The following KAT6A variants were observed in gnomAD, a reference collection of about 807,000 sequenced individuals.
KAT6A encodes lysine acetyltransferase 6A.
A neutral mutation model predicts 198.4 loss-of-function variants in KAT6A; 9 were observed. That is an observed-to-expected ratio of 0.05 (90% CI 0.03 to 0.08). The LOEUF is 0.08. KAT6A is among the 10% of genes least tolerant of loss of function. The pLI is 1.00. For missense variants in KAT6A, 2,077 were observed against 2,509.9 expected (o/e 0.83, Z 3.69); for synonymous variants, 890 against 883.0 (o/e 1.01, Z -0.14).
At chr8:42,027,511 A>T (rs569996551) in intron 2 of KAT6A, among the ~76,000 whole-genome samples, 11 of 152,066 alleles carry the variant, frequency 7.2e-5, no homozygotes, top group Non-Finnish European at 1.5e-4. Flanking sequence ...TTTCTTCCTG[A>T]TTCAATTTTG....
chr8:41,980,025 A>G (rs1360046387), intron 5 of KAT6A, among the ~76,000 whole-genome samples: 1 of 152,222 alleles, frequency 6.6e-6, no homozygotes, highest in African/African-American at 2.4e-5. Context: ...CTAAAGTGTT[A>G]ACATGACTAC....
In KAT6A at chr8:41,932,933, T is replaced by A. The variant is rs1821630087; in HGVS notation, c.5287A>T (p.Ile1763Phe). 1 of 1,613,986 alleles carries A rather than the reference T, an allele frequency of 6.2e-7. No individual in the cohort carries two copies. Among genetic ancestry groups the A allele is most frequent in the Non-Finnish European group, 8.5e-7 (1 of 1,180,022 alleles). The change falls in exon 17 of 17, where the codon ATT becomes TTT. Residue 1763 changes from isoleucine (I) to phenylalanine (F), a missense_variant. Physicochemically the swap from Ile to Phe is conservative, Grantham distance 21. Transcript: ENST00000265713. Reference sequence around the variant, plus strand: ...TAAGGCATGGCATGAGGGTCCATAATGGTGTTGGTCAGCTGCTGCAGCTTG... The same window carrying A: ...TAAGGCATGGCATGAGGGTCCATAAAGGTGTTGGTCAGCTGCTGCAGCTTG... ...LAKLQQLTNT[I>F]MDPHAMPYSH...
In KAT6A at chr8:41,981,918, G is replaced by A. The variant is rs1234795744; in HGVS notation, c.746C>T (p.Thr249Met). 10 of 1,613,564 alleles carry A rather than the reference G, an allele frequency of 6.2e-6. No homozygotes were observed. Among genetic ancestry groups the A allele is most frequent in the African/African-American group, 1.3e-5 (1 of 74,892 alleles). The change falls in exon 4 of 17, where the codon ACG (threonine) becomes ATG (methionine). Residue 249 changes from threonine (T) to methionine (M), a missense_variant. By Grantham distance (81) the Thr-to-Met change is moderately conservative. Transcript: ENST00000265713. ...PSCLKFSPEL[T>M]VRVKALRWQC... ...CCACCGTAAGGCCTTCACTCGAACCGTTAGTTCAGGGGAAAACTTTAAACA... is the reference window on the plus strand; with the variant it reads ...CCACCGTAAGGCCTTCACTCGAACCATTAGTTCAGGGGAAAACTTTAAACA...
At chr8:41,960,572 ATTTTTT>A (rs1040468092) in intron 8 of KAT6A, among the ~76,000 whole-genome samples, 1 of 149,672 alleles carries the variant, frequency 6.7e-6, no homozygotes, top group African/African-American at 2.5e-5. Flanking sequence ...TACCACAATT[ATTTTTT>A]TTCAAATTTT....
rs76674925 is a variant in KAT6A at position 42,030,960 on chromosome 8, T to C, written c.600+17418A>G. ...CATTGTTATGAAGTGCATGAGCATA[T>C]ATTGTTAAGTGGTGAGAAAAAAAAA... On this transcript the variant is annotated intron_variant, in intron 2 of 16. Transcript: ENST00000265713. Among the ~76,000 whole-genome samples, 329 of 140,328 alleles carry C rather than the reference T, an allele frequency of 2.3e-3. 1 individual carries two copies. The highest frequency in any genetic ancestry group is 8.4e-3 in the African/African-American group (307 of 36,742). 92.1% of individuals were successfully genotyped at this position (140,328 alleles called of 152,430 possible). A position where few individuals can be genotyped will look rare whatever the true frequency, so the allele number is the denominator to read the frequency against.
intron 2 of KAT6A, among the ~76,000 whole-genome samples, chr8:42,032,271 A>G (rs1336561585): frequency 6.6e-6 from 1 of 152,184 alleles, no homozygotes; most frequent in Non-Finnish European, 1.5e-5. Flanking sequence ...CCTTAACTAT[A>G]TAATTCTGAC....
At chr8:41,987,323 C>T (rs1289573824) in intron 3 of KAT6A, 132 bp downstream of exon 3, 23 of 629,590 alleles carry the variant, frequency 3.7e-5, no homozygotes, top group Non-Finnish European at 6.5e-5. Flanking sequence ...TTTCTCAGAA[C>T]TTATCCCCCA....
intron 16 of KAT6A, 104 bp downstream of exon 16, chr8:41,937,152 T>C: frequency 1.2e-6 from 1 of 815,814 alleles, no homozygotes; most frequent in South Asian, 1.8e-5. Context: ...TCTTGCTTAG[T>C]GGGTTGTGTT....
chr8:42,039,674 T>C (rs1827547101), intron 2 of KAT6A, among the ~76,000 whole-genome samples: 1 of 152,226 alleles, frequency 6.6e-6, no homozygotes, highest in Admixed American at 6.5e-5. Context: ...TTGCATTTCC[T>C]TATATTCATT....
At chr8:42,022,185 CA>C (rs2150916022) in intron 2 of KAT6A, among the ~76,000 whole-genome samples, 1 of 152,114 alleles carries the variant, frequency 6.6e-6, no homozygotes, top group Non-Finnish European at 1.5e-5. Flanking sequence ...TTTTCAAATA[CA>C]GGTACTACAT....
chr8:42,040,042 C>A (rs1004392628), intron 2 of KAT6A, among the ~76,000 whole-genome samples: 2 of 151,944 alleles, frequency 1.3e-5, no homozygotes, highest in African/African-American at 4.8e-5. Flanking sequence ...CCACCGCGCC[C>A]TGCCGAAAAT....
At chr8:41,948,794 TA>T (rs58499252) in intron 10 of KAT6A, among the ~76,000 whole-genome samples, 109,755 of 151,962 alleles carry the variant, frequency 0.72, 40,830 homozygotes, top group African/African-American at 0.92. Context: ...TTACAGTAAG[TA>T]AACGGCACAT....
chr8:41,964,956 A>C (rs1564026867), intron 8 of KAT6A, among the ~76,000 whole-genome samples: 1 of 152,160 alleles, frequency 6.6e-6, no homozygotes, highest in Non-Finnish European at 1.5e-5. Context: ...AAACCATGGA[A>C]AGCAAAACCA....
At chr8:41,993,126 C>T (rs1587796997) in intron 2 of KAT6A, among the ~76,000 whole-genome samples, 1 of 152,184 alleles carries the variant, frequency 6.6e-6, no homozygotes, top group Non-Finnish European at 1.5e-5. Context: ...ATCAGTTTCA[C>T]ATTACTAGAC....
chr8:41,973,717 A>G (rs1053854105), intron 8 of KAT6A, among the ~76,000 whole-genome samples: 2 of 151,954 alleles, frequency 1.3e-5, no homozygotes, highest in African/African-American at 4.8e-5. Flanking sequence ...TAATTCCCAC[A>G]ATTAAGCATG....
At chr8:41,977,419 A>G (rs1824116783) in intron 6 of KAT6A, 92 bp from the exon 7 acceptor site, 2 of 746,980 alleles carry the variant, frequency 2.7e-6, no homozygotes, top group East Asian at 5.4e-5. Context: ...TAAGTAACCT[A>G]CAGCTTTATT....
chr8:42,042,195 A>G (rs933830061), intron 2 of KAT6A, among the ~76,000 whole-genome samples: 1 of 152,164 alleles, frequency 6.6e-6, no homozygotes, highest in Non-Finnish European at 1.5e-5. Context: ...ACGGTGGCTC[A>G]CGCCTATAAT....
chr8:42,023,817 T>C lies in KAT6A; in HGVS notation c.600+24561A>G, dbSNP rs1826667379. Among the ~76,000 whole-genome samples the C allele has an allele frequency of 1.3e-5, 2 of 149,980 alleles. 1 individual carries two copies. The highest frequency in any genetic ancestry group is 4.3e-4 in the South Asian group (2 of 4,664). On this transcript the variant is annotated intron_variant, in intron 2 of 16. Transcript: ENST00000265713. ...ACTTTATATCCTTATTCTACAAACT[T>C]TTCTCTATCCAAAAAAAAAAAAAAA...
rs1002055998 is a variant in KAT6A, at chr8:41,991,386, T to A, written c.601-3823A>T. Among the ~76,000 whole-genome samples, 3 of 152,100 alleles carry A rather than the reference T, an allele frequency of 2.0e-5. 1 individual carries two copies. The highest frequency in any genetic ancestry group is 1.9e-4 in the East Asian group (1 of 5,192). ...TTGAAAGAACAGAAAAAAGAATACA[T>A]CCTGTACATTTTTTTAATGTAATGT... On this transcript the variant is annotated intron_variant, in intron 2 of 16. Coordinates refer to ENST00000265713, the MANE Select transcript of KAT6A (RefSeq NM_006766.5).
Sources: allele counts gnomAD v4.1 joint callset (sites outside exome capture counted in the v4.1 genomes callset), GRCh38; gene constraint gnomAD v4.1.1; transcripts MANE v1.5; gene names NCBI Gene and HGNC (gene_info 2026-07-23, HGNC 2026-07-21).